Variants in SLC23A2 observed in about 807,000 individuals in gnomAD.
SLC23A2 encodes Na(+)/L-ascorbic acid transporter 2.
A neutral mutation model predicts 73.3 loss-of-function variants in SLC23A2; 36 were observed. The ratio of observed to expected loss-of-function variants is 0.49; its 90% CI spans 0.38 to 0.65. The LOEUF (loss-of-function observed/expected upper bound fraction) is 0.65, where lower values mean the gene tolerates loss of function less well. Ranked by LOEUF, SLC23A2 falls within the 30% of genes least tolerant of loss-of-function variation. The probability of loss-of-function intolerance (pLI) is 0.00; values close to 1 mark genes in which losing one functional copy is unlikely to be tolerated. For synonymous variants in SLC23A2, 343 were observed against 327.3 expected (o/e 1.05, Z -0.52); for missense variants, 507 against 841.6 (o/e 0.60, Z 4.92).
chr20:4,937,939 T>G (rs1333203447), intron 2 of SLC23A2, among the ~76,000 whole-genome samples: 3 of 152,004 alleles, frequency 2.0e-5, no homozygotes, highest in African/African-American at 7.3e-5. Flanking sequence ...CATATGCACT[T>G]CTATTCACCT....
At chr20:4,865,828 A>T (rs752747066) in intron 13 of SLC23A2, among the ~76,000 whole-genome samples, 16 of 151,104 alleles carry the variant, frequency 1.1e-4, no homozygotes, top group Non-Finnish European at 1.6e-4. Context: ...TTATTTATAT[A>T]TTTTTTTTTA....
intron 1 of SLC23A2, among the ~76,000 whole-genome samples, chr20:4,990,019 T>C (rs1281210376): frequency 6.6e-6 from 1 of 152,012 alleles, no homozygotes; most frequent in Admixed American, 6.6e-5. Context: ...GCTTGGCCCA[T>C]GAAAAAAACT....
chr20:4,927,261 A>G (rs1410061172), intron 3 of SLC23A2, among the ~76,000 whole-genome samples: 1 of 152,214 alleles, frequency 6.6e-6, no homozygotes, highest in Non-Finnish European at 1.5e-5. Flanking sequence ...ATCCAGACAA[A>G]AAGATAAAAC....
In SLC23A2 at chr20:4,947,133, G is replaced by A. The variant is rs541247002; in HGVS notation, c.-154-14417C>T. ...GGGAGCACTCCTGGGTCAGCTGTCC[G>A]TCTTCTGTGTTTCCATGGTTCCCAG... On this transcript the variant is annotated intron_variant, in intron 2 of 16. Coordinates refer to ENST00000338244, the MANE Select transcript of SLC23A2 (RefSeq NM_005116.6). This position sits in a 1 kb window ranked among gnomAD's most constrained non-coding sequence, Gnocchi z 4.4. Among the ~76,000 whole-genome samples, 5 of 152,236 alleles carry A rather than the reference G, an allele frequency of 3.3e-5. No homozygotes were observed. The highest frequency in any genetic ancestry group is 1.9e-4 in the East Asian group (1 of 5,178).
intron 8 of SLC23A2, among the ~76,000 whole-genome samples, chr20:4,884,527 G>A (rs371257170): frequency 1.2e-3 from 187 of 152,352 alleles, no homozygotes; most frequent in African/African-American, 4.2e-3. Context: ...GTCTGTGGGT[G>A]TGCAGGAGGG....
chr20:4,942,555 C>T (rs537265377), intron 2 of SLC23A2, among the ~76,000 whole-genome samples: 1 of 152,332 alleles, frequency 6.6e-6, no homozygotes, highest in South Asian at 2.1e-4. Flanking sequence ...CACCAACAAT[C>T]ACGCACAAAT....
chr20:4,933,093 G>T (rs961882805), intron 2 of SLC23A2, among the ~76,000 whole-genome samples: 1 of 152,214 alleles, frequency 6.6e-6, no homozygotes, highest in Non-Finnish European at 1.5e-5. Context: ...ACAGAGTCAT[G>T]TGGCTACTGA....
rs1316235088 is a variant in SLC23A2, at chr20:4,874,591, C to A, written c.930G>T (p.Leu310=). 6.3e-7 allele frequency: 1 copy of A among 1,598,076 alleles called. No homozygotes were observed. Among genetic ancestry groups the A allele is most frequent in the Non-Finnish European group, 8.5e-7 (1 of 1,173,838 alleles). Residue 310 remains leucine, a synonymous_variant, in exon 10 of 17, where the codon CTG becomes CTT. Coordinates refer to ENST00000338244, the MANE Select transcript of SLC23A2 (RefSeq NM_005116.6). ...KKGWTAYKLQ[L]FKMFPIILAI... Reference sequence around the variant, plus strand: ...AGCTACTCACAGGGAACATTTTGAACAGCTGTAACTTGTACGCAGTCCATC... The same window carrying A: ...AGCTACTCACAGGGAACATTTTGAAAAGCTGTAACTTGTACGCAGTCCATC...
In SLC23A2 at chr20:4,899,852, C is replaced by T. The variant is rs1931681930; in HGVS notation, c.325-140G>A. On this transcript the variant is annotated intron_variant, in intron 5 of 16. Transcript: ENST00000338244. This position sits in a 1 kb window ranked among gnomAD's most constrained non-coding sequence, Gnocchi z 4.9. ...TCCTTGGTTTTTCGACCAAGCCATACTTTTTTCCTTCTTTTTCAGTATTTC... is the reference window on the plus strand; with the variant it reads ...TCCTTGGTTTTTCGACCAAGCCATATTTTTTTCCTTCTTTTTCAGTATTTC... 1.2e-6 allele frequency: 1 copy of T among 835,140 alleles called. No homozygotes were observed. Among genetic ancestry groups the T allele is most frequent in the South Asian group, 1.8e-5 (1 of 56,264 alleles). 51.7% of individuals were successfully genotyped at this position (835,140 alleles called of 1,614,324 possible).
intron 4 of SLC23A2, among the ~76,000 whole-genome samples, chr20:4,905,150 A>C (rs1018910345): frequency 6.7e-6 from 1 of 149,004 alleles, no homozygotes; most frequent in African/African-American, 2.5e-5. Context: ...GACTTTTCGC[A>C]TCCAGGCAGA....
intron 13 of SLC23A2, among the ~76,000 whole-genome samples, chr20:4,867,057 T>TAAA (rs71197732): frequency 0.16 from 12,406 of 76,310 alleles, 1,388 homozygotes; most frequent in Middle Eastern, 0.19. Flanking sequence ...AAGCGATCCC[T>TAAA]AAAAAAAAAA....
intron 1 of SLC23A2, among the ~76,000 whole-genome samples, chr20:4,972,394 G>A (rs2087575136): frequency 6.7e-6 from 1 of 149,342 alleles, no homozygotes. Flanking sequence ...CTGGTCTTGT[G>A]CTATTTGGGA....
chr20:4,867,595 A>G (rs1429452940), intron 13 of SLC23A2, among the ~76,000 whole-genome samples, 175 bp downstream of exon 13: 2 of 149,618 alleles, frequency 1.3e-5, no homozygotes, highest in African/African-American at 2.5e-5. Flanking sequence ...GCAAGAGAAG[A>G]GAGACTTCCA....
chr20:4,881,429 T>A (rs544434293), intron 9 of SLC23A2, among the ~76,000 whole-genome samples: 82 of 152,226 alleles, frequency 5.4e-4, no homozygotes, highest in East Asian at 5.8e-4. Context: ...AGGAGTCAAT[T>A]TTGGTTACTT....
chr20:4,860,540 T>G (rs1424767657), intron 15 of SLC23A2, among the ~76,000 whole-genome samples: 1 of 152,256 alleles, frequency 6.6e-6, no homozygotes, highest in Admixed American at 6.5e-5. Flanking sequence ...CATTGCTGAC[T>G]GTCTTTCCCC....
intron 3 of SLC23A2, among the ~76,000 whole-genome samples, chr20:4,918,381 T>A (rs1213773848): frequency 6.6e-6 from 1 of 152,126 alleles, no homozygotes; most frequent in Non-Finnish European, 1.5e-5. Flanking sequence ...TGAAAGGAGG[T>A]TTTCTCTGCC....
rs181092089 is a variant in SLC23A2, at chr20:4,891,965, G to A, written c.483-6056C>T. ...GACAAGGTCTCCTTATGTTGCCCAG[G>A]CTGGTCTTGAACTTCGGGGCTCAAG... is the stretch of plus-strand genomic sequence containing the variant. On this transcript the variant is annotated intron_variant, in intron 6 of 16. Coordinates refer to ENST00000338244, the MANE Select transcript of SLC23A2 (RefSeq NM_005116.6). 2.7e-3 allele frequency among the ~76,000 whole-genome samples: 404 copies of A among 152,036 alleles called. 14 individuals are homozygous for A. The highest frequency in any genetic ancestry group is 0.025 in the Admixed American group (382 of 15,286).
intron 3 of SLC23A2, among the ~76,000 whole-genome samples, chr20:4,915,484 T>G (rs774941457): frequency 1.3e-5 from 2 of 152,176 alleles, no homozygotes; most frequent in African/African-American, 2.4e-5. Context: ...ATTTTGATAA[T>G]AGGGAAGAAA....
intron 6 of SLC23A2, among the ~76,000 whole-genome samples, chr20:4,898,712 C>T (rs78766301): frequency 0.038 from 5,860 of 152,264 alleles, 356 homozygotes; most frequent in African/African-American, 0.13. Context: ...CCTGTGCCAG[C>T]TCCACGTCCA....
Sources: allele counts gnomAD v4.1 joint callset (sites outside exome capture counted in the v4.1 genomes callset), GRCh38; gene constraint gnomAD v4.1.1; non-coding constraint Gnocchi (gnomAD v3.1); transcripts MANE v1.5; gene names NCBI Gene and HGNC (gene_info 2026-07-23, HGNC 2026-07-21).